The following UBAC2 variants were observed in gnomAD, a reference collection of about 807,000 sequenced individuals.
UBAC2 encodes the protein ubiquitin-associated domain-containing protein 2.
A neutral mutation model predicts 44.0 loss-of-function variants in UBAC2; 26 were observed. The observed-to-expected ratio is 0.59, with a 90% CI of 0.43 to 0.82. The LOEUF (loss-of-function observed/expected upper bound fraction) is 0.82, where lower values mean the gene tolerates loss of function less well. Among genes scored for constraint, UBAC2 ranks in the 40% least tolerant of loss-of-function variants. UBAC2 has a pLI of 0.00. For missense variants in UBAC2, 329 were observed against 419.4 expected (o/e 0.78, Z 1.88); for synonymous variants, 155 against 154.3 (o/e 1.00, Z -0.04).
In UBAC2 at chr13:99,385,374, G is replaced by C; in HGVS notation, c.*39G>C. The C allele has an allele frequency of 1.3e-6, 2 of 1,509,480 alleles. No individual in the cohort carries two copies. The highest frequency in any genetic ancestry group is 1.8e-6 in the Non-Finnish European group (2 of 1,086,770). The allele number at this position is 1,509,480 out of a possible 1,614,324, so 93.5% of individuals were successfully genotyped here. ...ACACTGGGACCGGACCGGCAGCCGA[G>C]TGACAGTGCGTGGTCCCCACCATCA... is the stretch of plus-strand genomic sequence containing the variant. On this transcript the variant is annotated 3_prime_UTR_variant, in exon 9 of 9. Coordinates refer to ENST00000403766, the MANE Select transcript of UBAC2 (RefSeq NM_001144072.2).
intron 1 of UBAC2, chr13:99,215,887 G>A (rs557535055): frequency 4.1e-4 from 173 of 425,324 alleles, no homozygotes; most frequent in African/African-American, 3.1e-3. Context: ...ATTCCTGATC[G>A]GATCAAAGAG....
In UBAC2 at chr13:99,385,210, C is replaced by T. The variant is rs751322292; in HGVS notation, c.928-18C>T. The T allele has an allele frequency of 1.3e-5, 20 of 1,599,186 alleles. No individual in the cohort carries two copies. The highest frequency in any genetic ancestry group is 1.5e-5 in the Non-Finnish European group (18 of 1,166,508). On this transcript the variant is annotated intron_variant, in intron 8 of 8. Transcript: ENST00000403766. ...CAATGTCAGCGCCCTCAGGTTTCTG[C>T]GTTTTCTCTGCCTGCAGGTCGCCCG...
intron 4 of UBAC2, among the ~76,000 whole-genome samples, chr13:99,246,270 A>G (rs1305464218): frequency 2.0e-5 from 3 of 152,268 alleles, no homozygotes; most frequent in African/African-American, 4.8e-5. Flanking sequence ...GAATGGAGGC[A>G]TAAAGTTCTG....
In UBAC2 at chr13:99,306,114, T is replaced by A. The variant is rs541077057; in HGVS notation, c.390-7983T>A. Among the ~76,000 whole-genome samples the A allele has an allele frequency of 2.4e-3, 363 of 152,290 alleles. 4 individuals are homozygous for A. The highest frequency in any genetic ancestry group is 0.011 in the South Asian group (52 of 4,826). ...TTTCACCATGTTGGCCAGGCTGGTC[T>A]CGAACTCCTGATCTCAGGTGATCCG... is the stretch of plus-strand genomic sequence containing the variant. On this transcript the variant is annotated intron_variant, in intron 4 of 8. Transcript: ENST00000403766.
At chr13:99,244,701 G>A (rs1350748247) in intron 4 of UBAC2, 77 bp downstream of exon 4, 2 of 873,602 alleles carry the variant, frequency 2.3e-6, no homozygotes, top group Non-Finnish European at 3.5e-6. Context: ...TTATGTGAAA[G>A]TCAGTAAAAT....
At chr13:99,251,755 T>A (rs1343155418) in intron 4 of UBAC2, among the ~76,000 whole-genome samples, 1 of 152,166 alleles carries the variant, frequency 6.6e-6, no homozygotes. Flanking sequence ...TGCCTCTTAC[T>A]AGTTATGTGA....
intron 4 of UBAC2, chr13:99,294,912 A>G: frequency 1.3e-6 from 1 of 753,342 alleles, no homozygotes; most frequent in South Asian, 2.0e-5. Context: ...TCTTGGGCTT[A>G]CTTCCGAGTT....
intron 4 of UBAC2, among the ~76,000 whole-genome samples, chr13:99,277,612 A>G (rs1222457773): frequency 6.6e-6 from 1 of 152,124 alleles, no homozygotes; most frequent in African/African-American, 2.4e-5. Context: ...TTGTGAAATC[A>G]TTTTTTTCTC....
chr13:99,378,555 A>G (rs578186645), intron 8 of UBAC2, among the ~76,000 whole-genome samples: 11 of 152,258 alleles, frequency 7.2e-5, no homozygotes, highest in Middle Eastern at 3.4e-3. Context: ...AAAAACTTCA[A>G]TATCCACTTC....
chr13:99,215,492 G>A, intron 1 of UBAC2: 1 of 1,452,410 alleles, frequency 6.9e-7, no homozygotes, highest in Non-Finnish European at 9.7e-7. Flanking sequence ...CGAATAGCAA[G>A]TTGCAAGTGA....
chr13:99,225,322 C>A (rs2043099596), intron 1 of UBAC2, among the ~76,000 whole-genome samples: 1 of 152,160 alleles, frequency 6.6e-6, no homozygotes, highest in African/African-American at 2.4e-5. Flanking sequence ...GCCCACTGTA[C>A]CCTGCCTCTG....
intron 4 of UBAC2, among the ~76,000 whole-genome samples, chr13:99,299,435 G>A (rs1185750611): frequency 6.6e-6 from 1 of 151,576 alleles, no homozygotes; most frequent in African/African-American, 2.4e-5. Context: ...TTTTTTGGGA[G>A]GTAGGGAAGC....
intron 8 of UBAC2, among the ~76,000 whole-genome samples, chr13:99,383,679 C>T (rs747847): frequency 0.039 from 5,960 of 152,352 alleles, 193 homozygotes; most frequent in Non-Finnish European, 0.059. Flanking sequence ...GGGAGGAGCA[C>T]GCTCACTGCG....
Position 99,238,505 on chromosome 13 carries a change from G to A in UBAC2, c.110G>A (p.Cys37Tyr). ...SLLLALLLPH[C>Y]QKLFVYDLHA... ...CTGCTCGCCCTCCTCCTGCCTCACT[G>A]CCAGAAGCTCTTTGTGTATGACCTT... The change falls in exon 2 of 9, where the codon TGC (cysteine) becomes TAC (tyrosine). Residue 37 changes from cysteine to tyrosine, a missense_variant. Cys to Tyr is a radical substitution (Grantham distance 194). Transcript: ENST00000403766. 6.2e-7 allele frequency: 1 copy of A among 1,613,666 alleles called. No homozygotes were observed. Among genetic ancestry groups the A allele is most frequent in the Non-Finnish European group, 8.5e-7 (1 of 1,179,864 alleles).
intron 1 of UBAC2, chr13:99,215,239 C>G: frequency 1.6e-6 from 1 of 640,780 alleles, no homozygotes; most frequent in East Asian, 2.7e-5. Flanking sequence ...AATTAAACTT[C>G]CAACTTGCCC....
At chr13:99,290,492 G>A (rs190426820) in intron 4 of UBAC2, among the ~76,000 whole-genome samples, 9 of 152,156 alleles carry the variant, frequency 5.9e-5, no homozygotes, top group South Asian at 4.1e-4. Flanking sequence ...TTGGGAGGCC[G>A]AGGCAGGTGG....
intron 8 of UBAC2, 79 bp downstream of exon 8, chr13:99,367,985 A>G: frequency 5.2e-6 from 8 of 1,527,720 alleles, no homozygotes; most frequent in Non-Finnish European, 7.1e-6. Context: ...CAGGACTCAA[A>G]AGTAATCAAG....
chr13:99,242,196 C>G (rs370729217), intron 2 of UBAC2, among the ~76,000 whole-genome samples: 1 of 151,546 alleles, frequency 6.6e-6, no homozygotes, highest in African/African-American at 2.4e-5. Context: ...CTTTCCCCCC[C>G]TTCTATTCCA....
intron 6 of UBAC2, among the ~76,000 whole-genome samples, chr13:99,324,982 G>C (rs1416564657): frequency 1.3e-5 from 2 of 152,050 alleles, no homozygotes; most frequent in East Asian, 3.9e-4. Flanking sequence ...ACATTTCTCA[G>C]AATGTGTCCT....
Sources: gnomAD v4.1 joint callset for allele counts (sites outside exome capture counted in the v4.1 genomes callset) on GRCh38, gnomAD v4.1.1 for gene constraint, MANE v1.5 for transcripts, NCBI Gene and HGNC (gene_info 2026-07-23, HGNC 2026-07-21) for gene names.